COL4A3: variants seen among roughly 807,000 people sequenced by gnomAD.
COL4A3 encodes the protein collagen type IV alpha 3 chain.
In COL4A3, 135 loss-of-function variants were observed where a neutral mutation model predicts 217.4. That is an observed-to-expected ratio of 0.62 (90% CI 0.54 to 0.72). The LOEUF (loss-of-function observed/expected upper bound fraction) is 0.72. Ranked by LOEUF, COL4A3 falls within the 30% of genes least tolerant of loss-of-function variation. The probability of loss-of-function intolerance (pLI) is 0.00; values close to 1 mark genes in which losing one functional copy is unlikely to be tolerated. For synonymous variants in COL4A3, 690 were observed against 736.3 expected (o/e 0.94, Z 1.02); for missense variants, 1,868 against 2,119.9 (o/e 0.88, Z 2.33).
At chr2:227,254,251 CT>C in intron 14 of COL4A3, 77 bp downstream of exon 14, 1 of 1,322,092 alleles carries the variant, frequency 7.6e-7, no homozygotes, top group Non-Finnish European at 1.1e-6. Context: ...TGTGTTTTGT[CT>C]TAAGTTGTTT....
intron 1 of COL4A3, among the ~76,000 whole-genome samples, chr2:227,190,876 C>T (rs2066211730): frequency 6.6e-6 from 1 of 152,144 alleles, no homozygotes; most frequent in African/African-American, 2.4e-5. Flanking sequence ...CACTGCACTC[C>T]AGACTGGGTA....
chr2:227,194,630 A>T lies in COL4A3; in HGVS notation c.87+29817A>T, dbSNP rs186424720. ...CTGTGAGCACATTCTTAATAAAATA[A>T]AGAAGATAAATGCAGTATGCAATCA... On this transcript the variant is annotated intron_variant, in intron 1 of 51. Transcript: ENST00000396578. 2.6e-5 allele frequency among the ~76,000 whole-genome samples: 4 copies of T among 152,364 alleles called. No homozygotes were observed. In the East Asian group the frequency reaches 5.8e-4, roughly 22 times the overall value.
Position 227,312,018 on chromosome 2 carries a change from C to G in COL4A3, c.*148C>G. On this transcript the variant is annotated 3_prime_UTR_variant, in exon 52 of 52. Coordinates refer to ENST00000396578, the MANE Select transcript of COL4A3 (RefSeq NM_000091.5). Reference sequence around the variant, plus strand: ...AGTTTCAATTTGTTTCCCCACAAAACAAAGCAATTCTTTCAAGTCAGTTCT... The same window carrying G: ...AGTTTCAATTTGTTTCCCCACAAAAGAAAGCAATTCTTTCAAGTCAGTTCT... 2.8e-6 allele frequency: 4 copies of G among 1,404,018 alleles called. No homozygotes were observed. The highest frequency in any genetic ancestry group is 3.9e-6 in the Non-Finnish European group (4 of 1,026,512). The allele number at this position is 1,404,018 out of a possible 1,614,324, so 87.0% of individuals were successfully genotyped here. A position where few individuals can be genotyped will look rare whatever the true frequency, so the allele number is the denominator to read the frequency against.
At chr2:227,276,855 G>A (rs1022092849) in intron 27 of COL4A3, among the ~76,000 whole-genome samples, 38 of 152,192 alleles carry the variant, frequency 2.5e-4, no homozygotes, top group Middle Eastern at 3.2e-3. Context: ...CTTTGCCAAC[G>A]TGATCTAAAA....
chr2:227,308,462 C>A (rs1354737936), intron 48 of COL4A3, among the ~76,000 whole-genome samples: 1 of 152,238 alleles, frequency 6.6e-6, no homozygotes. Flanking sequence ...AATCCTCCCT[C>A]CTCAGCCTCC....
At chr2:227,213,901 CAAAAAAA>C (rs5839195) in intron 1 of COL4A3, among the ~76,000 whole-genome samples, 12 of 89,324 alleles carry the variant, frequency 1.3e-4, no homozygotes, top group South Asian at 4.1e-4. Flanking sequence ...AACTCTGTCT[CAAAAAAA>C]AAAAAAAAAA....
intron 34 of COL4A3, among the ~76,000 whole-genome samples, chr2:227,288,091 G>A (rs947106830): frequency 6.6e-6 from 1 of 152,136 alleles, no homozygotes; most frequent in Non-Finnish European, 1.5e-5. Flanking sequence ...TAGAGATTCA[G>A]TGACTATTTA....
chr2:227,292,845 A>C (rs2072828191), intron 37 of COL4A3, among the ~76,000 whole-genome samples: 1 of 152,212 alleles, frequency 6.6e-6, no homozygotes, highest in South Asian at 2.1e-4. Context: ...AAATCTATAT[A>C]GGTTACCATT....
chr2:227,265,518 A>C (rs985131872), intron 21 of COL4A3: 1 of 152,250 alleles, frequency 6.6e-6, no homozygotes, highest in African/African-American at 2.4e-5. Flanking sequence ...GTTCATTGCA[A>C]CATTACAGTA....
chr2:227,212,994 T>C (rs1574584849), intron 1 of COL4A3, among the ~76,000 whole-genome samples: 1 of 152,220 alleles, frequency 6.6e-6, no homozygotes, highest in East Asian at 1.9e-4. Flanking sequence ...GACTCAATAA[T>C]AGCCTTGGCC....
At chr2:227,261,235 T>A in intron 20 of COL4A3, 118 bp downstream of exon 20, 1 of 939,870 alleles carries the variant, frequency 1.1e-6, no homozygotes. Context: ...GATCTAGAAG[T>A]GTTTCCAGGC....
At chr2:227,247,741 C>T (rs1006114310) in intron 8 of COL4A3, among the ~76,000 whole-genome samples, 157 bp downstream of exon 8, 5 of 152,104 alleles carry the variant, frequency 3.3e-5, no homozygotes, top group African/African-American at 4.8e-5. Flanking sequence ...GATATTTATT[C>T]CTATTAAATA....
intron 39 of COL4A3, among the ~76,000 whole-genome samples, 168 bp from the exon 40 acceptor site, chr2:227,294,796 T>A (rs137870695): frequency 6.6e-6 from 1 of 152,342 alleles, no homozygotes; most frequent in African/African-American, 2.4e-5. Flanking sequence ...AATCTGTATG[T>A]GGTTTTCCCT....
intron 34 of COL4A3, 113 bp from the exon 35 acceptor site, chr2:227,289,037 G>C (rs1196850266): frequency 2.8e-6 from 2 of 717,780 alleles, no homozygotes; most frequent in Non-Finnish European, 4.9e-6. Context: ...TTCAACCTCT[G>C]TCTCCCAGGT....
intron 9 of COL4A3, among the ~76,000 whole-genome samples, chr2:227,249,223 TA>T (rs1367012108): frequency 2.4e-5 from 1 of 40,822 alleles, no homozygotes; most frequent in African/African-American, 7.5e-5. Context: ...TATATATATA[TA>T]TATATATTTT....
intron 42 of COL4A3, among the ~76,000 whole-genome samples, chr2:227,298,406 A>C (rs1443814706): frequency 6.6e-6 from 1 of 152,142 alleles, no homozygotes; most frequent in Admixed American, 6.5e-5. Flanking sequence ...CTATTTGTTG[A>C]ATCCCTAGAG....
intron 25 of COL4A3, 90 bp from the exon 26 acceptor site, chr2:227,272,859 C>T: frequency 7.6e-7 from 1 of 1,322,312 alleles, no homozygotes; most frequent in Non-Finnish European, 1.1e-6. Flanking sequence ...CAATGACAGC[C>T]TAACTGGTAT....
At chr2:227,232,984 A>G (rs1258566902) in intron 1 of COL4A3, among the ~76,000 whole-genome samples, 1 of 152,172 alleles carries the variant, frequency 6.6e-6, no homozygotes, top group Non-Finnish European at 1.5e-5. Flanking sequence ...ATTGTTCCAC[A>G]AGCATCTTTT....
intron 34 of COL4A3, among the ~76,000 whole-genome samples, 200 bp from the exon 35 acceptor site, chr2:227,288,950 G>A (rs1244292184): frequency 1.7e-5 from 2 of 114,348 alleles, no homozygotes; most frequent in African/African-American, 6.9e-5. Context: ...TTTTGTTTTG[G>A]GTTTTTTTTT....
Sources: gnomAD v4.1 joint callset for allele counts (sites outside exome capture counted in the v4.1 genomes callset) on GRCh38, gnomAD v4.1.1 for gene constraint, MANE v1.5 for transcripts, NCBI Gene and HGNC (gene_info 2026-07-23, HGNC 2026-07-21) for gene names.